CACNA1C: variants seen among roughly 807,000 people sequenced by gnomAD.
CACNA1C encodes the protein voltage-dependent L-type calcium channel subunit alpha-1C.
A neutral mutation model predicts 229.0 loss-of-function variants in CACNA1C; 30 were observed. That is an observed-to-expected ratio of 0.13 (90% CI 0.10 to 0.18). CACNA1C has a LOEUF of 0.18. CACNA1C is among the 10% of genes least tolerant of loss of function. The pLI is 1.00. For synonymous variants in CACNA1C, 1,114 were observed against 1,132.5 expected, an observed-to-expected ratio of 0.98 and a Z score of 0.33; for missense variants, 1,658 against 2,845.0, an observed-to-expected ratio of 0.58 and a Z score of 9.49.
At chr12:2,535,704 TAAAA>T (rs758857733) in intron 9 of CACNA1C, among the ~76,000 whole-genome samples, 6 of 36,562 alleles carry the variant, frequency 1.6e-4, no homozygotes, top group Admixed American at 4.3e-4. Context: ...AGACCCTGTC[TAAAA>T]AAAAAAAAAA....
chr12:2,657,588 C>T (rs2153679593), intron 34 of CACNA1C, among the ~76,000 whole-genome samples: 1 of 152,124 alleles, frequency 6.6e-6, no homozygotes, highest in East Asian at 1.9e-4. Flanking sequence ...ATAAATAAAA[C>T]ATGGAAATTA....
In CACNA1C at chr12:2,585,778, T is replaced by C. The variant is rs2062184529; in HGVS notation, c.2461-57T>C. 12 of 1,318,352 alleles carry C rather than the reference T, an allele frequency of 9.1e-6. No homozygotes were observed. The highest frequency in any genetic ancestry group is 1.3e-5 in the Non-Finnish European group (12 of 926,310). 81.7% of individuals were successfully genotyped at this position (1,318,352 alleles called of 1,614,324 possible). On this transcript the variant is annotated intron_variant, in intron 17 of 46. Coordinates refer to ENST00000399655, the MANE Select transcript of CACNA1C (RefSeq NM_000719.7). This position sits in a 1 kb window ranked among gnomAD's most constrained non-coding sequence, Gnocchi z 4.1. ...TGCAACTTCAAGGCTACTGCAAGCC[T>C]CTTAACTTGGGGACGTATCTAACTA...
intron 4 of CACNA1C, among the ~76,000 whole-genome samples, chr12:2,450,631 A>C (rs2099360983): frequency 6.7e-6 from 1 of 148,810 alleles, no homozygotes; most frequent in Non-Finnish European, 1.5e-5. Flanking sequence ...GAGGGAGCCC[A>C]TTGCAGCAGA....
intron 3 of CACNA1C, among the ~76,000 whole-genome samples, chr12:2,366,898 G>A (rs1037955591): frequency 6.6e-6 from 1 of 152,100 alleles, no homozygotes; most frequent in Admixed American, 6.5e-5. Context: ...GAGAGAGAGC[G>A]CATGCACAAA....
rs893883530 is a variant in CACNA1C at position 2,566,533 on chromosome 12, C to T, written c.1620C>T (p.Thr540=). ...TCCTGGTGTTCCTCAACACGCTCAC[C>T]ATTGCCTCTGAGCACTACAACCAGC... ...VIFLVFLNTL[T]IASEHYNQPN... is the part of the protein sequence containing the mutation. Residue 540 remains threonine, a synonymous_variant, in exon 12 of 47, where the codon ACC becomes ACT. Transcript: ENST00000399655. The surrounding 1 kb of genome is among the most constrained non-coding windows in gnomAD (Gnocchi z 4.0). 5.0e-6 allele frequency: 8 copies of T among 1,597,672 alleles called. No individual in the cohort carries two copies. In the Admixed American group the frequency reaches 1.2e-4, roughly 24 times the overall value.
intron 1 of CACNA1C, chr12:2,004,328 G>A: frequency 1.2e-6 from 2 of 1,613,360 alleles, no homozygotes. Context: ...CACCTGGCTG[G>A]CCACGTCCAC....
At chr12:2,682,422 G>C (rs1392531261) in intron 42 of CACNA1C, 128 bp from the exon 43 acceptor site, 2 of 1,086,590 alleles carry the variant, frequency 1.8e-6, no homozygotes, top group Admixed American at 4.2e-5. Flanking sequence ...GCCTGTTCAC[G>C]TGTGTGTGCT....
At chr12:2,359,206 C>A (rs985475088) in intron 3 of CACNA1C, among the ~76,000 whole-genome samples, 1 of 152,204 alleles carries the variant, frequency 6.6e-6, no homozygotes, top group Non-Finnish European at 1.5e-5. Flanking sequence ...TTCCCACATT[C>A]GATTCTGTTT....
At chr12:2,392,148 A>C (rs987029729) in intron 3 of CACNA1C, among the ~76,000 whole-genome samples, 1 of 152,168 alleles carries the variant, frequency 6.6e-6, no homozygotes, top group African/African-American at 2.4e-5. Flanking sequence ...AATTCTTACA[A>C]TTTTCAAGTC....
chr12:2,088,972 G>A (rs1358559074), intron 1 of CACNA1C, among the ~76,000 whole-genome samples: 4 of 152,180 alleles, frequency 2.6e-5, no homozygotes, highest in African/African-American at 9.7e-5. Context: ...AGGGAGGGCT[G>A]TGCGCGCAGA....
rs1165268789 is a variant in CACNA1C, at chr12:2,221,028, G to A, written c.477+100598G>A. On this transcript the variant is annotated intron_variant, in intron 3 of 46. Coordinates refer to ENST00000399655, the MANE Select transcript of CACNA1C (RefSeq NM_000719.7). ...TTACTTTAAGCTGTTGGTCAGGGAG[G>A]TCCCCTCTGGGACCTGGAAGACAAG... Among the ~76,000 whole-genome samples, 1 of 152,196 alleles carries A rather than the reference G, an allele frequency of 6.6e-6. No individual in the cohort carries two copies. The highest frequency in any genetic ancestry group is 1.9e-4 in the East Asian group (1 of 5,186).
At position 2,694,060 on chromosome 12, in the gene CACNA1C, T is replaced by A. The variant is rs1462580116; in HGVS notation, c.*2861T>A. On this transcript the variant is annotated 3_prime_UTR_variant, in exon 47 of 47. Transcript: ENST00000399655. ...TTCCTTTTCACTGCCATCAAGGTCC[T>A]CTAGAAATTGAGTTTAGGTATCATC... The A allele has an allele frequency of 6.6e-6, 1 of 152,228 alleles. No homozygotes were observed. The highest frequency in any genetic ancestry group is 1.5e-5 in the Non-Finnish European group (1 of 68,040). 9.4% of individuals were successfully genotyped at this position (152,228 alleles called of 1,614,324 possible).
At chr12:2,175,263 A>G (rs1355943051) in intron 3 of CACNA1C, among the ~76,000 whole-genome samples, 1 of 151,976 alleles carries the variant, frequency 6.6e-6, no homozygotes, top group Admixed American at 6.5e-5. Flanking sequence ...GGATTCTAAT[A>G]AAGTCTACAC....
intron 1 of CACNA1C, among the ~76,000 whole-genome samples, chr12:2,110,559 G>A (rs1170138329): frequency 6.6e-6 from 1 of 152,184 alleles, no homozygotes; most frequent in Non-Finnish European, 1.5e-5. Context: ...TGGTGATTTC[G>A]TGCTAACAAA....
chr12:2,003,241 G>T (rs544038740), intron 1 of CACNA1C, among the ~76,000 whole-genome samples: 2 of 152,046 alleles, frequency 1.3e-5, no homozygotes, highest in African/African-American at 2.4e-5. Flanking sequence ...ATGAATGTGG[G>T]TGTTAAAAAA....
chr12:2,113,929 C>G (rs566686686), intron 1 of CACNA1C, among the ~76,000 whole-genome samples: 1 of 152,212 alleles, frequency 6.6e-6, no homozygotes, highest in Admixed American at 6.5e-5. Flanking sequence ...AGGTTGGAGC[C>G]CTGGGTTGCA....
At chr12:2,668,613 T>C (rs34843484) in intron 37 of CACNA1C, 2 of 269,038 alleles carry the variant, frequency 7.4e-6, no homozygotes, top group East Asian at 1.6e-4. Flanking sequence ...TCAATCATGG[T>C]GGAAGGCAAA....
At chr12:2,246,612 C>G (rs796593865) in intron 3 of CACNA1C, among the ~76,000 whole-genome samples, 89 of 152,220 alleles carry the variant, frequency 5.8e-4, no homozygotes, top group African/African-American at 2.1e-3. Flanking sequence ...TGAGGCACAC[C>G]GAGGGTAGGT....
At chr12:2,190,650 A>G (rs1438904154) in intron 3 of CACNA1C, among the ~76,000 whole-genome samples, 3 of 152,182 alleles carry the variant, frequency 2.0e-5, no homozygotes, top group East Asian at 1.9e-4. Flanking sequence ...GAAAATGGAA[A>G]TACAGCCGGC....
Sources: gnomAD v4.1 joint callset for allele counts (sites outside exome capture counted in the v4.1 genomes callset) on GRCh38, gnomAD v4.1.1 for gene constraint, Gnocchi (gnomAD v3.1) non-coding constraint, MANE v1.5 for transcripts, NCBI Gene and HGNC (gene_info 2026-07-23, HGNC 2026-07-21) for gene names.